Variants in CNNM4 observed in about 807,000 individuals in gnomAD.
CNNM4 encodes the protein metal transporter CNNM4.
CNNM4 carries 32 observed loss-of-function variants against 53.7 expected under a neutral mutation model. That is an observed-to-expected ratio of 0.60 (90% CI 0.45 to 0.80). CNNM4 has a LOEUF of 0.80. Among genes scored for constraint, CNNM4 ranks in the 30% least tolerant of loss-of-function variants. The pLI is 0.00. For synonymous variants in CNNM4, 410 were observed against 440.0 expected, an observed-to-expected ratio of 0.93 and a Z score of 0.85; for missense variants, 784 against 1,022.0, an observed-to-expected ratio of 0.77 and a Z score of 3.17.
intron 3 of CNNM4, 68 bp from the exon 4 acceptor site, chr2:96,798,989 C>A: frequency 2.0e-6 from 3 of 1,490,850 alleles, no homozygotes; most frequent in Non-Finnish European, 2.8e-6. Context: ...GGTGGAGGCA[C>A]AGCAGTGATC....
chr2:96,776,885 T>C (rs2153346019), intron 1 of CNNM4, among the ~76,000 whole-genome samples: 1 of 152,334 alleles, frequency 6.6e-6, no homozygotes, highest in East Asian at 1.9e-4. Flanking sequence ...AGTGCTGGGA[T>C]TACAGGCGTG....
chr2:96,769,619 AGT>A (rs1288177060), intron 1 of CNNM4, among the ~76,000 whole-genome samples: 11 of 151,336 alleles, frequency 7.3e-5, no homozygotes, highest in Non-Finnish European at 1.2e-4. Flanking sequence ...AGGGGGTGTC[AGT>A]GTGTAAAAGC....
Position 96,776,027 on chromosome 2 carries a change from GT to G in CNNM4, c.1402+13645del, listed in dbSNP as rs538342553. ...AGGCCAGAGCCACTGTGCCATTGTG[GT>G]TTTTTTTTTTTTTTTTTTGAGGTGG... On this transcript the variant is annotated intron_variant, in intron 1 of 6. Transcript: ENST00000377075. Among the ~76,000 whole-genome samples the G allele has an allele frequency of 8.2e-3, 1,057 of 128,772 alleles. 13 individuals are homozygous for G. In the South Asian group the frequency reaches 0.091, roughly 11 times the overall value. The allele number at this position is 128,772 out of a possible 152,430, so 84.5% of individuals were successfully genotyped here.
chr2:96,801,054 C>T lies in CNNM4; in HGVS notation c.1948+1406C>T. 1 of 984,484 alleles carries T rather than the reference C, an allele frequency of 1.0e-6. No homozygotes were observed. The highest frequency in any genetic ancestry group is 1.2e-6 in the Non-Finnish European group (1 of 829,044). 61.0% of individuals were successfully genotyped at this position (984,484 alleles called of 1,614,324 possible). ...GTCTCCTGACTGCGCCCATCACTGA[C>T]CTTCTCTTTTGCTCCAGTGCCTTCA... On this transcript the variant is annotated intron_variant, in intron 5 of 6. Transcript: ENST00000377075. This position sits in a 1 kb window ranked among gnomAD's most constrained non-coding sequence, Gnocchi z 5.6.
chr2:96,807,728 C>T (rs2079222363), intron 5 of CNNM4, among the ~76,000 whole-genome samples: 1 of 152,022 alleles, frequency 6.6e-6, no homozygotes, highest in African/African-American at 2.4e-5. Context: ...GAGTAAGACT[C>T]TGTCTCCAAA....
At chr2:96,806,535 A>ACACACACACACACGCGCGCG (rs374638753) in intron 5 of CNNM4, among the ~76,000 whole-genome samples, 1 of 123,944 alleles carries the variant, frequency 8.1e-6, no homozygotes, top group African/African-American at 2.9e-5. Flanking sequence ...ACACACACAC[A>ACACACACACACACGCGCGCG]CGCGCGCGCG....
chr2:96,779,889 G>C (rs1257775694), intron 1 of CNNM4, among the ~76,000 whole-genome samples: 4 of 148,784 alleles, frequency 2.7e-5, no homozygotes, highest in African/African-American at 1.0e-4. Context: ...TGCAACCTCC[G>C]CCTCCTGGGT....
chr2:96,765,389 G>A (rs1473344955), intron 1 of CNNM4, among the ~76,000 whole-genome samples: 3 of 151,956 alleles, frequency 2.0e-5, no homozygotes, highest in Non-Finnish European at 4.4e-5. Flanking sequence ...GCCTCCCAAA[G>A]TGCTGGGATT....
At chr2:96,771,726 AAG>A (rs1400861305) in intron 1 of CNNM4, among the ~76,000 whole-genome samples, 2 of 152,032 alleles carry the variant, frequency 1.3e-5, no homozygotes, top group Non-Finnish European at 1.5e-5. Flanking sequence ...AAAAAAAAAA[AAG>A]AAAGAAAAAA....
chr2:96,768,081 AAAC>A (rs757888249), intron 1 of CNNM4, among the ~76,000 whole-genome samples: 3 of 152,148 alleles, frequency 2.0e-5, no homozygotes, highest in African/African-American at 4.8e-5. Flanking sequence ...AAACAAAACG[AAAC>A]AACAACAACA....
intron 1 of CNNM4, among the ~76,000 whole-genome samples, chr2:96,791,842 A>G (rs1350121369): frequency 6.6e-6 from 1 of 152,142 alleles, no homozygotes; most frequent in Non-Finnish European, 1.5e-5. Context: ...ATATTTTCCT[A>G]TATAAAAAAT....
intron 1 of CNNM4, among the ~76,000 whole-genome samples, chr2:96,793,618 C>T (rs1325335655): frequency 1.3e-5 from 2 of 152,222 alleles, no homozygotes; most frequent in Non-Finnish European, 2.9e-5. Context: ...TATCAAGACC[C>T]TGCTCAGGGA....
Position 96,809,440 on chromosome 2 carries a change from G to C in CNNM4, c.2251G>C (p.Val751Leu), listed in dbSNP as rs754522377. 3.7e-5 allele frequency: 59 copies of C among 1,614,214 alleles called. No individual in the cohort carries two copies. In the South Asian group the frequency reaches 5.7e-4, roughly 16 times the overall value. The change falls in exon 7 of 7, where the codon GTG becomes CTG. Residue 751 changes from valine to leucine, a missense_variant. Physicochemically the swap from Val to Leu is conservative, Grantham distance 32. Transcript: ENST00000377075. ...CTTGGCCGAGAAGTCTGAGCTGCCT[G>C]TGGTGGACGAGACCACAACTCTTCT... is the stretch of plus-strand genomic sequence containing the variant. Reference protein sequence around the residue: ...ENLAEKSELPVVDETTTLLNE... With the variant: ...ENLAEKSELPLVDETTTLLNE...
chr2:96,805,418 G>GTTTTTTTTTTTTTTTTTTTTTTTTTTCT (rs898761608), intron 5 of CNNM4, among the ~76,000 whole-genome samples: 1 of 76,158 alleles, frequency 1.3e-5, no homozygotes, highest in African/African-American at 4.9e-5. Flanking sequence ...CTTCTTTTCA[G>GTTTTTTTTTTTTTTTTTTTTTTTTTTCT]TTTTTTTTTT....
At position 96,801,812 on chromosome 2, in the gene CNNM4, C is replaced by T. The variant is rs1051637163; in HGVS notation, c.1948+2164C>T. Among the ~76,000 whole-genome samples the T allele has an allele frequency of 6.6e-6, 1 of 151,896 alleles. No individual in the cohort carries two copies. The highest frequency in any genetic ancestry group is 1.5e-5 in the Non-Finnish European group (1 of 67,954). On this transcript the variant is annotated intron_variant, in intron 5 of 6. Coordinates refer to ENST00000377075, the MANE Select transcript of CNNM4 (RefSeq NM_020184.4). This position sits in a 1 kb window ranked among gnomAD's most constrained non-coding sequence, Gnocchi z 5.6. ...CACCCATAGACAGAGATATCACACA[C>T]AGAAACACACATGCAGATACACCCA...
At chr2:96,799,782 G>A (rs543314060) in intron 5 of CNNM4, 134 bp downstream of exon 5, 19 of 807,996 alleles carry the variant, frequency 2.4e-5, no homozygotes, top group East Asian at 5.4e-5. Flanking sequence ...CTGGTGAGGC[G>A]GGAGCCGCCA....
intron 1 of CNNM4, among the ~76,000 whole-genome samples, chr2:96,789,975 A>C (rs1461352131): frequency 1.0e-5 from 1 of 96,514 alleles, no homozygotes; most frequent in East Asian, 3.4e-4. Context: ...CTGGGATTAC[A>C]GGCGTGAGCC....
Position 96,762,049 on chromosome 2 carries a change from C to G in CNNM4, c.1050C>G (p.Pro350=), listed in dbSNP as rs1403041073. ...KLMEMLKVTE[P]YNDLVKEELN... is the part of the protein sequence containing the mutation. Reference sequence around the variant, plus strand: ...TGGAGATGTTGAAGGTGACGGAGCCCTATAATGACCTCGTGAAAGAGGAGC... The same window carrying G: ...TGGAGATGTTGAAGGTGACGGAGCCGTATAATGACCTCGTGAAAGAGGAGC... The change falls in exon 1 of 7, where the codon CCC becomes CCG. Residue 350 remains proline, a synonymous_variant. Transcript: ENST00000377075. 1.9e-6 allele frequency: 3 copies of G among 1,613,994 alleles called. No individual in the cohort carries two copies. The East Asian group carries it at 6.7e-5, about 36-fold the overall frequency.
chr2:96,767,117 G>A (rs1454440642), intron 1 of CNNM4, among the ~76,000 whole-genome samples: 1 of 152,104 alleles, frequency 6.6e-6, no homozygotes, highest in Non-Finnish European at 1.5e-5. Context: ...GACGGGCTAG[G>A]GGCATCGATG....
Sources: gnomAD v4.1 joint callset for allele counts (sites outside exome capture counted in the v4.1 genomes callset) on GRCh38, gnomAD v4.1.1 for gene constraint, Gnocchi (gnomAD v3.1) non-coding constraint, MANE v1.5 for transcripts, NCBI Gene and HGNC (gene_info 2026-07-23, HGNC 2026-07-21) for gene names.